The following GABBR2 variants were observed in gnomAD, a reference collection of about 807,000 sequenced individuals.
GABBR2 encodes G-protein coupled receptor 51.
GABBR2 carries 23 observed loss-of-function variants against 105.6 expected under a neutral mutation model. The ratio of observed to expected loss-of-function variants is 0.22; its 90% CI spans 0.16 to 0.31. The LOEUF is 0.31. Among genes scored for constraint, GABBR2 ranks in the 10% least tolerant of loss-of-function variants. The probability of loss-of-function intolerance (pLI) is 1.00; values close to 1 mark genes in which losing one functional copy is unlikely to be tolerated. For synonymous variants in GABBR2, 478 were observed against 499.7 expected (o/e 0.96, Z 0.58); for missense variants, 734 against 1,245.5 (o/e 0.59, Z 6.18).
intron 1 of GABBR2, among the ~76,000 whole-genome samples, chr9:98,651,992 G>A (rs1195922554): frequency 6.6e-6 from 1 of 152,278 alleles, no homozygotes; most frequent in East Asian, 1.9e-4. Context: ...AGGGAGAAGA[G>A]GAAATGAATT....
intron 13 of GABBR2, among the ~76,000 whole-genome samples, chr9:98,343,811 T>C (rs1051761690): frequency 1.3e-5 from 2 of 151,854 alleles, no homozygotes; most frequent in African/African-American, 4.8e-5. Context: ...TGAGCCGAGA[T>C]TGCCCCACTG....
At chr9:98,387,796 A>ATAAT (rs1026440467) in intron 10 of GABBR2, among the ~76,000 whole-genome samples, 39 of 132,150 alleles carry the variant, frequency 3.0e-4, no homozygotes, top group Admixed American at 9.7e-4. Context: ...ATTAATTAAA[A>ATAAT]TAATTAATTA....
chr9:98,306,780 A>G lies in GABBR2; in HGVS notation c.2005-435T>C, dbSNP rs765233005. On this transcript the variant is annotated intron_variant, in intron 14 of 18. Transcript: ENST00000259455. This position sits in a 1 kb window ranked among gnomAD's most constrained non-coding sequence, Gnocchi z 5.4. ...AGAAATTCACTCCAGTCTTTTTTCT[A>G]TTAAACTAAGCAGATCCCTTGTGTC... is the stretch of plus-strand genomic sequence containing the variant. Among the ~76,000 whole-genome samples the G allele has an allele frequency of 1.3e-5, 2 of 152,202 alleles. No homozygotes were observed. The highest frequency in any genetic ancestry group is 4.8e-5 in the African/African-American group (2 of 41,452).
At chr9:98,685,107 G>A (rs1019645679) in intron 1 of GABBR2, among the ~76,000 whole-genome samples, 3 of 152,208 alleles carry the variant, frequency 2.0e-5, no homozygotes, top group Non-Finnish European at 4.4e-5. Flanking sequence ...CAGCACAGCT[G>A]GGATAAAAGC....
At chr9:98,605,128 C>T (rs190376663) in intron 1 of GABBR2, among the ~76,000 whole-genome samples, 5 of 152,232 alleles carry the variant, frequency 3.3e-5, no homozygotes, top group South Asian at 2.1e-4. Flanking sequence ...GCCCATGAGA[C>T]GAAACCAGGG....
At chr9:98,399,858 A>G (rs1210646567) in intron 8 of GABBR2, among the ~76,000 whole-genome samples, 1 of 152,050 alleles carries the variant, frequency 6.6e-6, no homozygotes, top group Non-Finnish European at 1.5e-5. Context: ...CCAACAAGAA[A>G]AAGACAGTAA....
At chr9:98,553,533 A>G (rs1028574540) in intron 2 of GABBR2, among the ~76,000 whole-genome samples, 1 of 152,166 alleles carries the variant, frequency 6.6e-6, no homozygotes, top group African/African-American at 2.4e-5. Context: ...TTGAGGCTGC[A>G]GTAAGCTGTG....
intron 1 of GABBR2, among the ~76,000 whole-genome samples, chr9:98,600,722 G>A (rs187024292): frequency 9.2e-5 from 14 of 152,310 alleles, no homozygotes; most frequent in Non-Finnish European, 2.9e-5. Context: ...AGACTCCATC[G>A]TTGCGTGGCC....
intron 1 of GABBR2, among the ~76,000 whole-genome samples, chr9:98,620,056 A>G (rs555243453): frequency 6.6e-6 from 1 of 152,352 alleles, no homozygotes; most frequent in South Asian, 2.1e-4. Flanking sequence ...GAGATAGTAC[A>G]TGTGGATGTC....
intron 1 of GABBR2, among the ~76,000 whole-genome samples, chr9:98,663,903 TAC>T (rs1830301014): frequency 6.6e-6 from 1 of 152,190 alleles, no homozygotes; most frequent in Non-Finnish European, 1.5e-5. Context: ...GATTGTTAAA[TAC>T]ACAGTCTGAG....
chr9:98,553,185 A>G (rs1180737362), intron 2 of GABBR2, among the ~76,000 whole-genome samples: 1 of 151,360 alleles, frequency 6.6e-6, no homozygotes, highest in Admixed American at 6.6e-5. Context: ...CACTCAGCAT[A>G]TTCTTATTGG....
intron 13 of GABBR2, among the ~76,000 whole-genome samples, chr9:98,355,237 T>C (rs1477050977): frequency 6.6e-6 from 1 of 151,832 alleles, no homozygotes; most frequent in Non-Finnish European, 1.5e-5. Context: ...ATCACCATAA[T>C]AGATATAATG....
intron 7 of GABBR2, among the ~76,000 whole-genome samples, chr9:98,409,429 AGACT>A (rs1164687229): frequency 6.6e-6 from 1 of 151,256 alleles, no homozygotes; most frequent in Non-Finnish European, 1.5e-5. Context: ...GCTGGTGGCC[AGACT>A]CTGTCCCTCC....
At chr9:98,665,103 C>T (rs1023634389) in intron 1 of GABBR2, among the ~76,000 whole-genome samples, 1 of 151,874 alleles carries the variant, frequency 6.6e-6, no homozygotes, top group African/African-American at 2.4e-5. Flanking sequence ...TCTGTTTCTA[C>T]ATAAAATTTT....
At chr9:98,425,625 C>G (rs995998613) in intron 7 of GABBR2, among the ~76,000 whole-genome samples, 1 of 152,184 alleles carries the variant, frequency 6.6e-6, no homozygotes. Context: ...CTGGGCAAAC[C>G]AGGTGGGCCA....
At chr9:98,515,927 C>T (rs752880862) in intron 3 of GABBR2, 6 of 152,386 alleles carry the variant, frequency 3.9e-5, no homozygotes, top group Non-Finnish European at 8.8e-5. Flanking sequence ...CTCTGACTTC[C>T]AAACATCCAG....
intron 16 of GABBR2, among the ~76,000 whole-genome samples, chr9:98,299,778 T>C (rs1335425967): frequency 6.6e-6 from 1 of 152,154 alleles, no homozygotes; most frequent in Non-Finnish European, 1.5e-5. Context: ...AGTACCTACC[T>C]CAGGGGGAGG....
chr9:98,700,362 A>G (rs530544892), intron 1 of GABBR2, among the ~76,000 whole-genome samples: 36 of 152,326 alleles, frequency 2.4e-4, no homozygotes, highest in Non-Finnish European at 3.5e-4. Context: ...GACCTGCCAC[A>G]GCCTTCAAGC....
At chr9:98,415,123 C>T (rs992039144) in intron 7 of GABBR2, among the ~76,000 whole-genome samples, 4 of 152,028 alleles carry the variant, frequency 2.6e-5, no homozygotes, top group East Asian at 1.9e-4. Context: ...ACAGTATACT[C>T]GCAATTACGT....
Sources: gnomAD v4.1 joint callset for allele counts (sites outside exome capture counted in the v4.1 genomes callset) on GRCh38, gnomAD v4.1.1 for gene constraint, Gnocchi (gnomAD v3.1) non-coding constraint, MANE v1.5 for transcripts, NCBI Gene and HGNC (gene_info 2026-07-23, HGNC 2026-07-21) for gene names.